FRMD6: variants seen among roughly 807,000 people sequenced by gnomAD.
FRMD6 encodes the protein FERM domain containing 6.
A neutral mutation model predicts 73.2 loss-of-function variants in FRMD6; 37 were observed. The ratio of observed to expected loss-of-function variants is 0.51; its 90% CI spans 0.39 to 0.66. FRMD6 has a LOEUF of 0.66. FRMD6 is among the 30% of genes least tolerant of loss of function. The probability of loss-of-function intolerance (pLI) is 0.00; values close to 1 mark genes in which losing one functional copy is unlikely to be tolerated. For synonymous variants in FRMD6, 273 were observed against 282.2 expected, an observed-to-expected ratio of 0.97 and a Z score of 0.33; for missense variants, 714 against 780.5, an observed-to-expected ratio of 0.91 and a Z score of 1.02.
At chr14:51,488,981 A>G (rs1882847248), upstream of FRMD6, 1 of 152,214 alleles carries the variant, frequency 6.6e-6, no homozygotes, top group Admixed American at 6.5e-5. Context: ...GCACAGCAAT[A>G]TCTCTGCAGA....
At chr14:51,661,197 A>G (rs569399303) in intron 1 of FRMD6, among the ~76,000 whole-genome samples, 81 of 152,350 alleles carry the variant, frequency 5.3e-4, no homozygotes, top group Non-Finnish European at 8.8e-4. Context: ...GAAGTTGCCA[A>G]CAGAATTTGG....
chr14:51,661,562 A>T (rs1893221366), intron 1 of FRMD6, among the ~76,000 whole-genome samples: 1 of 152,114 alleles, frequency 6.6e-6, no homozygotes, highest in Admixed American at 6.5e-5. Flanking sequence ...AAAGAAAATT[A>T]AAAAGGAGCA....
intron 7 of FRMD6, among the ~76,000 whole-genome samples, chr14:51,709,731 G>C (rs1298187494): frequency 1.3e-5 from 2 of 152,038 alleles, no homozygotes; most frequent in African/African-American, 4.8e-5. Flanking sequence ...ACAAGAAAAT[G>C]CAAATAAATG....
At chr14:51,695,036 G>A (rs1422601251) in intron 2 of FRMD6, among the ~76,000 whole-genome samples, 1 of 151,788 alleles carries the variant, frequency 6.6e-6, no homozygotes, top group Non-Finnish European at 1.5e-5. Context: ...TGTATGGGCT[G>A]CATGGAGGAA....
chr14:51,649,827 T>A (rs547804306), upstream of FRMD6: 24 of 152,316 alleles, frequency 1.6e-4, no homozygotes, highest in Admixed American at 1.2e-3. Context: ...GGTGTAATCA[T>A]AATTCACTGT....
At chr14:51,587,666 C>A (rs992767195) in intron 2 of FRMD6, among the ~76,000 whole-genome samples, 3 of 152,040 alleles carry the variant, frequency 2.0e-5, no homozygotes, top group Non-Finnish European at 4.4e-5. Flanking sequence ...TTACTAAGAG[C>A]TGATAAAAAG....
chr14:51,472,016 C>T, the FRMD6 span, among the ~76,000 whole-genome samples: 6 of 152,304 alleles, frequency 3.9e-5, no homozygotes, highest in Non-Finnish European at 8.8e-5. Flanking sequence ...GGGGCAGACA[C>T]CAGACCCTAT....
At chr14:51,474,709 A>G in the FRMD6 span, among the ~76,000 whole-genome samples, 1 of 152,222 alleles carries the variant, frequency 6.6e-6, no homozygotes. Context: ...CTTGAGAGAC[A>G]GATTCAAAAG....
In FRMD6 at chr14:51,608,239, G is replaced by C. The variant is rs549131928; in HGVS notation, c.-147+37829G>C. 8.5e-5 allele frequency among the ~76,000 whole-genome samples: 13 copies of C among 152,244 alleles called. No individual in the cohort carries two copies. The East Asian group carries it at 2.5e-3, about 29-fold the overall frequency. ...GAACAAAATATGAGAGGTTCGGCTT[G>C]GGATCCTTTGCCAGAGAGAGTAGCC... is the stretch of plus-strand genomic sequence containing the variant. On this transcript the variant is annotated intron_variant, in intron 2 of 14. Transcript: ENST00000356218.
chr14:51,624,533 T>A (rs112498260), intron 2 of FRMD6, among the ~76,000 whole-genome samples: 20 of 152,340 alleles, frequency 1.3e-4, no homozygotes, highest in African/African-American at 4.8e-4. Flanking sequence ...CTTTTAATAC[T>A]GCTGACTTCC....
At chr14:51,444,600 C>CTCAT in the FRMD6 span, among the ~76,000 whole-genome samples, 1 of 152,158 alleles carries the variant, frequency 6.6e-6, no homozygotes, top group East Asian at 1.9e-4. Flanking sequence ...GGACTTCTGA[C>CTCAT]TCATCTCTTT....
chr14:51,615,230 T>TA (rs1275832112), intron 2 of FRMD6, among the ~76,000 whole-genome samples: 4 of 152,220 alleles, frequency 2.6e-5, no homozygotes, highest in African/African-American at 9.6e-5. Flanking sequence ...GATTCTAAAA[T>TA]AAAGCATTGA....
At chr14:51,444,391 T>C in the FRMD6 span, among the ~76,000 whole-genome samples, 11 of 152,204 alleles carry the variant, frequency 7.2e-5, no homozygotes, top group African/African-American at 2.7e-4. Context: ...AACTGGCATG[T>C]GGTTGCGCTG....
At chr14:51,711,221 A>C (rs1304741893) in intron 7 of FRMD6, among the ~76,000 whole-genome samples, 1 of 152,236 alleles carries the variant, frequency 6.6e-6, no homozygotes, top group Admixed American at 6.5e-5. Flanking sequence ...TGTTAACTGG[A>C]GTTGTCAATA....
intron 1 of FRMD6, among the ~76,000 whole-genome samples, chr14:51,656,899 T>C (rs934198640): frequency 1.1e-4 from 16 of 152,192 alleles, no homozygotes; most frequent in African/African-American, 3.9e-4. Flanking sequence ...ATGGATCCTC[T>C]TGGGGGTGTT....
the FRMD6 span, among the ~76,000 whole-genome samples, chr14:51,407,907 A>G: frequency 5.6e-4 from 86 of 152,254 alleles, no homozygotes; most frequent in African/African-American, 1.9e-3. Flanking sequence ...TGTGTATTTC[A>G]GTGAATTTTT....
intron 10 of FRMD6, chr14:51,717,350 T>G (rs1897293427): frequency 6.6e-6 from 1 of 151,986 alleles, no homozygotes; most frequent in Admixed American, 6.6e-5. Context: ...AAAGAGAGGG[T>G]GAGAAAGAGT....
the FRMD6 span, among the ~76,000 whole-genome samples, chr14:51,483,505 G>A: frequency 2.6e-5 from 4 of 152,212 alleles, no homozygotes; most frequent in Non-Finnish European, 5.9e-5. Context: ...ATGGGGAACA[G>A]CCAGGGCAAA....
chr14:51,470,149 A>T, the FRMD6 span, among the ~76,000 whole-genome samples: 2 of 152,036 alleles, frequency 1.3e-5, no homozygotes, highest in African/African-American at 4.8e-5. Context: ...TTCCTTAGTG[A>T]TTTGTGTTTC....
Sources: allele counts gnomAD v4.1 joint callset (sites outside exome capture counted in the v4.1 genomes callset), GRCh38; gene constraint gnomAD v4.1.1; transcripts MANE v1.5; gene names NCBI Gene and HGNC (gene_info 2026-07-23, HGNC 2026-07-21).